LRCH3: variants seen among roughly 807,000 people sequenced by gnomAD.
LRCH3 encodes the protein DISP complex protein LRCH3.
LRCH3 carries 68 observed loss-of-function variants against 104.5 expected under a neutral mutation model. The observed-to-expected ratio is 0.65, with a 90% CI of 0.54 to 0.80. The LOEUF (loss-of-function observed/expected upper bound fraction) is 0.80, where lower values mean the gene tolerates loss of function less well. Ranked by LOEUF, LRCH3 falls within the 30% of genes least tolerant of loss-of-function variation. LRCH3 has a pLI of 0.00. For synonymous variants in LRCH3, 344 were observed against 361.3 expected (o/e 0.95, Z 0.54); for missense variants, 951 against 953.9 (o/e 1.00, Z 0.04).
At chr3:197,830,570 A>G (rs1735798009) in intron 6 of LRCH3, 200 bp from the exon 7 acceptor site, 1 of 489,186 alleles carries the variant, frequency 2.0e-6, no homozygotes, top group Admixed American at 3.3e-5. Flanking sequence ...GCTGGATAAT[A>G]ATGAGTACAT....
intron 10 of LRCH3, among the ~76,000 whole-genome samples, chr3:197,842,421 C>A (rs1317065516): frequency 6.6e-6 from 1 of 152,152 alleles, no homozygotes; most frequent in African/African-American, 2.4e-5. Flanking sequence ...GCTCTCAGAC[C>A]AGCAAGACTT....
chr3:197,834,000 T>A (rs535509795), intron 8 of LRCH3, among the ~76,000 whole-genome samples: 1 of 152,344 alleles, frequency 6.6e-6, no homozygotes, highest in African/African-American at 2.4e-5. Flanking sequence ...TAACTCAAAA[T>A]TCAATTTTAT....
Position 197,871,328 on chromosome 3 carries a change from A to G in LRCH3, c.1996A>G (p.Ile666Val), listed in dbSNP as rs562770375. 2.5e-6 allele frequency: 4 copies of G among 1,612,398 alleles called. No homozygotes were observed. In the East Asian group the frequency reaches 6.7e-5, roughly 27 times the overall value. ...TACATGTTTTTTGTTCTTTCAGCAT[A>G]TTGAGTACCGGTTGAAAGTGTCTCT... ...LELIDQLRKHIEYRLKVSLPC... is the reference protein window; with the variant it reads ...LELIDQLRKHVEYRLKVSLPC... The change falls in exon 19 of 21, where the codon ATT (isoleucine) becomes GTT (valine). Residue 666 changes from isoleucine (I) to valine (V), a missense_variant. Coordinates refer to ENST00000425562, the MANE Select transcript of LRCH3 (RefSeq NM_001365715.1).
rs547452684 is a variant in LRCH3 at position 197,873,937 on chromosome 3, C to T, written c.2131-1761C>T. ...TTGGGAGGCAGAAGCAGGAGAATCACTTGAGTCCAAGAGACGGAGGTTGCA... is the reference window on the plus strand; with the variant it reads ...TTGGGAGGCAGAAGCAGGAGAATCATTTGAGTCCAAGAGACGGAGGTTGCA... On this transcript the variant is annotated intron_variant, in intron 19 of 20. Coordinates refer to ENST00000425562, the MANE Select transcript of LRCH3 (RefSeq NM_001365715.1). Among the ~76,000 whole-genome samples, 3 of 150,362 alleles carry T rather than the reference C, an allele frequency of 2.0e-5. No homozygotes were observed. In the Admixed American group the frequency reaches 2.0e-4, roughly 10 times the overall value.
At chr3:197,871,950 T>C (rs1285329865) in intron 19 of LRCH3, among the ~76,000 whole-genome samples, 1 of 152,148 alleles carries the variant, frequency 6.6e-6, no homozygotes, top group Non-Finnish European at 1.5e-5. Context: ...AGACGTGAGC[T>C]GGGGCCGTGG....
rs750301570 is a variant in LRCH3, at chr3:197,839,409, C to G, written c.1328+12C>G. ...TTACATCAAAACAGGTTTGAAAAACCAATTCTACTTAATTTGTTTCTGTCT... is the reference window on the plus strand; with the variant it reads ...TTACATCAAAACAGGTTTGAAAAACGAATTCTACTTAATTTGTTTCTGTCT... On this transcript the variant is annotated intron_variant, in intron 10 of 20. Coordinates refer to ENST00000425562, the MANE Select transcript of LRCH3 (RefSeq NM_001365715.1). 27 of 1,490,068 alleles carry G rather than the reference C, an allele frequency of 1.8e-5. No homozygotes were observed. The South Asian group carries it at 3.3e-4, about 18-fold the overall frequency. 92.3% of individuals were successfully genotyped at this position (1,490,068 alleles called of 1,614,324 possible).
Position 197,832,307 on chromosome 3 carries a change from A to G in LRCH3, c.1092A>G (p.Thr364=). Residue 364 remains threonine, a synonymous_variant, in exon 8 of 21, where the codon ACA becomes ACG. Coordinates refer to ENST00000425562, the MANE Select transcript of LRCH3 (RefSeq NM_001365715.1). The part of the protein sequence containing the change: ...YQENRGSLVV[T]NGGVEHDLDQ... ...AGAACCGCGGCAGTTTGGTAGTAAC[A>G]AACGGCGGAGGTAAACATAATTCCG... 6.2e-7 allele frequency: 1 copy of G among 1,613,596 alleles called. No homozygotes were observed. The highest frequency in any genetic ancestry group is 8.5e-7 in the Non-Finnish European group (1 of 1,179,586).
At chr3:197,858,509 C>T (rs1740531863) in intron 14 of LRCH3, among the ~76,000 whole-genome samples, 2 of 152,070 alleles carry the variant, frequency 1.3e-5, no homozygotes, top group Admixed American at 6.6e-5. Context: ...ACAGGACTCA[C>T]TAGTTTCAAG....
At chr3:197,826,201 C>A (rs1300974917) in intron 4 of LRCH3, among the ~76,000 whole-genome samples, 3 of 152,140 alleles carry the variant, frequency 2.0e-5, no homozygotes, top group African/African-American at 7.2e-5. Flanking sequence ...AATTCTGTAT[C>A]ATTATATAAA....
At chr3:197,838,773 T>C (rs997989385) in intron 9 of LRCH3, among the ~76,000 whole-genome samples, 15 of 152,228 alleles carry the variant, frequency 9.9e-5, no homozygotes. Context: ...AAATACGGTA[T>C]TTTACCATAA....
intron 1 of LRCH3, among the ~76,000 whole-genome samples, chr3:197,807,392 T>G (rs530435384): frequency 3.3e-5 from 5 of 151,974 alleles, no homozygotes; most frequent in Admixed American, 3.3e-4. Flanking sequence ...CATTTTTTTG[T>G]ATTTCTTTTT....
At chr3:197,834,182 G>A (rs1366655220) in intron 8 of LRCH3, among the ~76,000 whole-genome samples, 2 of 152,120 alleles carry the variant, frequency 1.3e-5, no homozygotes, top group Non-Finnish European at 2.9e-5. Context: ...ATCTTAGTAG[G>A]AAGTTTTTTT....
chr3:197,847,373 A>C (rs775816065), intron 10 of LRCH3, 36 bp from the exon 11 acceptor site: 2 of 1,545,454 alleles, frequency 1.3e-6, no homozygotes, highest in South Asian at 2.5e-5. Context: ...TTTTTATCAA[A>C]GAGTTTTTTT....
chr3:197,839,458 T>A (rs1427500976), intron 10 of LRCH3, 61 bp downstream of exon 10: 13 of 1,118,852 alleles, frequency 1.2e-5, no homozygotes, highest in Non-Finnish European at 1.6e-5. Context: ...ATAAAGTAAT[T>A]TTGGTTTTAT....
intron 19 of LRCH3, among the ~76,000 whole-genome samples, chr3:197,872,609 C>T (rs1384170578): frequency 2.0e-5 from 3 of 152,138 alleles, no homozygotes; most frequent in African/African-American, 7.2e-5. Context: ...ATAATCCCAG[C>T]GTTTTGGGAG....
chr3:197,841,859 G>T (rs1208226182), intron 10 of LRCH3, among the ~76,000 whole-genome samples: 1 of 122,988 alleles, frequency 8.1e-6, no homozygotes, highest in Non-Finnish European at 1.8e-5. Flanking sequence ...TTGTGACAGG[G>T]TCTTGCTCTA....
chr3:197,828,071 C>G (rs759460727), intron 5 of LRCH3, among the ~76,000 whole-genome samples: 1 of 62,930 alleles, frequency 1.6e-5, no homozygotes, highest in Non-Finnish European at 2.9e-5. Context: ...GGTGAGACTC[C>G]GTCTCAAAAA....
At chr3:197,811,482 T>C (rs1414796187) in intron 1 of LRCH3, among the ~76,000 whole-genome samples, 1 of 152,186 alleles carries the variant, frequency 6.6e-6, no homozygotes, top group South Asian at 2.1e-4. Context: ...CAGAAAATGA[T>C]GGTACTGTAC....
At chr3:197,798,718 G>A (rs1260746673) in intron 1 of LRCH3, among the ~76,000 whole-genome samples, 3 of 152,326 alleles carry the variant, frequency 2.0e-5, no homozygotes, top group East Asian at 3.9e-4. Flanking sequence ...ATTTGAGATT[G>A]TGTTTTTCTT....
Sources: gnomAD v4.1 joint callset for allele counts (sites outside exome capture counted in the v4.1 genomes callset) on GRCh38, gnomAD v4.1.1 for gene constraint, MANE v1.5 for transcripts, NCBI Gene and HGNC (gene_info 2026-07-23, HGNC 2026-07-21) for gene names.